The following VPS53 variants were observed in gnomAD, a reference collection of about 807,000 sequenced individuals.
The protein encoded by VPS53 is vacuolar protein sorting-associated protein 53 homolog.
In VPS53, 70 loss-of-function variants were observed where a neutral mutation model predicts 107.0. The ratio of observed to expected loss-of-function variants is 0.65; its 90% confidence interval spans 0.54 to 0.80. VPS53 has a LOEUF of 0.80. Ranked by LOEUF, VPS53 falls within the 30% of genes least tolerant of loss-of-function variation. The pLI, the probability that VPS53 is intolerant of heterozygous loss-of-function variation, is 0.00. For missense variants in VPS53, 917 were observed against 1,049.4 expected, an observed-to-expected ratio of 0.87 and a Z score of 1.74; for synonymous variants, 409 against 393.3, an observed-to-expected ratio of 1.04 and a Z score of -0.47.
intron 13 of VPS53, among the ~76,000 whole-genome samples, chr17:579,854 C>A (rs1467776206): frequency 6.6e-6 from 1 of 151,268 alleles, no homozygotes; most frequent in Non-Finnish European, 1.5e-5. Context: ...TAATTCCTTG[C>A]CAGAGAACCT....
At chr17:699,902 T>G (rs1301891245) in intron 2 of VPS53, among the ~76,000 whole-genome samples, 2 of 152,212 alleles carry the variant, frequency 1.3e-5, no homozygotes, top group African/African-American at 4.8e-5. Context: ...AATTCTCCTG[T>G]TAGAAGCTAG....
At chr17:608,161 A>G (rs1968670752) in intron 11 of VPS53, among the ~76,000 whole-genome samples, 1 of 152,184 alleles carries the variant, frequency 6.6e-6, no homozygotes, top group Admixed American at 6.5e-5. Context: ...CCAGGGGTTC[A>G]CACACTTGGT....
chr17:572,441 G>A (rs1326136742), intron 13 of VPS53, among the ~76,000 whole-genome samples: 10 of 144,648 alleles, frequency 6.9e-5, no homozygotes, highest in East Asian at 2.2e-4. Flanking sequence ...CCGGCCAGCC[G>A]CCCCATCCGG....
chr17:659,874 G>A (rs74887123), intron 5 of VPS53, among the ~76,000 whole-genome samples: 5 of 152,108 alleles, frequency 3.3e-5, no homozygotes, highest in African/African-American at 9.6e-5. Context: ...AGGATCTCCC[G>A]TCACTCCCCA....
intron 15 of VPS53, among the ~76,000 whole-genome samples, chr17:558,565 G>A (rs1031142133): frequency 2.6e-5 from 4 of 152,194 alleles, no homozygotes; most frequent in African/African-American, 9.6e-5. Context: ...ACCCGGCAGG[G>A]GGAGCTTGCA....
intron 7 of VPS53, among the ~76,000 whole-genome samples, chr17:650,914 T>C (rs1011501669): frequency 6.6e-6 from 1 of 152,182 alleles, no homozygotes; most frequent in African/African-American, 2.4e-5. Flanking sequence ...AAAAAATATC[T>C]AAAATACATG....
At chr17:668,645 C>T (rs1034352528) in intron 4 of VPS53, among the ~76,000 whole-genome samples, 7 of 152,150 alleles carry the variant, frequency 4.6e-5, no homozygotes, top group African/African-American at 1.4e-4. Flanking sequence ...ACATGGAATT[C>T]TGTGATACTG....
intron 12 of VPS53, among the ~76,000 whole-genome samples, chr17:597,441 G>A (rs1247614544): frequency 1.3e-5 from 2 of 152,190 alleles, no homozygotes; most frequent in Non-Finnish European, 2.9e-5. Flanking sequence ...CGCAGCAGGA[G>A]GTAAGGGATG....
chr17:678,511 G>A (rs552783285), intron 4 of VPS53, among the ~76,000 whole-genome samples: 24 of 151,726 alleles, frequency 1.6e-4, no homozygotes, highest in Non-Finnish European at 3.1e-4. Flanking sequence ...CTGTCGCCTA[G>A]GCTGGAGTGC....
intron 8 of VPS53, 105 bp from the exon 9 acceptor site, chr17:628,336 C>T: frequency 2.2e-6 from 3 of 1,338,502 alleles, no homozygotes; most frequent in South Asian, 1.3e-5. Flanking sequence ...CAGTCTTACT[C>T]CTGCTCCTTC....
intron 7 of VPS53, among the ~76,000 whole-genome samples, chr17:651,151 A>C (rs1380058773): frequency 6.6e-6 from 1 of 152,178 alleles, no homozygotes; most frequent in Non-Finnish European, 1.5e-5. Context: ...CACACACACA[A>C]ATCCGGAGCG....
chr17:539,222 T>C (rs1040819437), intron 17 of VPS53: 1 of 152,242 alleles, frequency 6.6e-6, no homozygotes, highest in Admixed American at 6.5e-5. Context: ...GGTGGCGACG[T>C]GCTCTGTCAC....
At position 550,797 on chromosome 17, in the gene VPS53, TG is replaced by T. The variant is rs1436797757; in HGVS notation, c.1866+1074del. Among the ~76,000 whole-genome samples the T allele has an allele frequency of 6.0e-5, 9 of 151,128 alleles. No homozygotes were observed. The East Asian group carries it at 1.8e-3, about 30-fold the overall frequency. ...CACATAAAAGTCAAAAATAGGAAGATGAGGTAGCGCTCAGTAAGTGCCAAAG... is the reference window on the plus strand; with the variant it reads ...CACATAAAAGTCAAAAATAGGAAGATAGGTAGCGCTCAGTAAGTGCCAAAG... On this transcript the variant is annotated intron_variant, in intron 17 of 21. Coordinates refer to ENST00000437048, the MANE Select transcript of VPS53 (RefSeq NM_001128159.3).
At chr17:662,186 G>A (rs1409393005) in intron 4 of VPS53, among the ~76,000 whole-genome samples, 1 of 152,156 alleles carries the variant, frequency 6.6e-6, no homozygotes, top group Non-Finnish European at 1.5e-5. Flanking sequence ...ACAGCAAATA[G>A]GACAAGTAGA....
At chr17:702,617 G>C (rs979287321) in intron 2 of VPS53, among the ~76,000 whole-genome samples, 1 of 152,132 alleles carries the variant, frequency 6.6e-6, no homozygotes. Flanking sequence ...GGTGAGCCGA[G>C]ATCGCGCCAC....
At chr17:593,795 A>T (rs553511039) in intron 12 of VPS53, among the ~76,000 whole-genome samples, 266 of 152,286 alleles carry the variant, frequency 1.7e-3, no homozygotes, top group African/African-American at 6.1e-3. Flanking sequence ...TTGACCCAGC[A>T]ATCCCATTAC....
intron 2 of VPS53, among the ~76,000 whole-genome samples, chr17:703,009 C>A (rs1258084662): frequency 6.6e-6 from 1 of 152,160 alleles, no homozygotes; most frequent in Non-Finnish European, 1.5e-5. Context: ...AGTTCAAGAC[C>A]AGTCTCTGGG....
At chr17:546,327 T>TCACACA (rs888241748) in intron 17 of VPS53, among the ~76,000 whole-genome samples, 74 of 93,200 alleles carry the variant, frequency 7.9e-4, no homozygotes, top group South Asian at 4.7e-3. Flanking sequence ...ATCTTAGATA[T>TCACACA]CTCACACACA....
intron 11 of VPS53, among the ~76,000 whole-genome samples, chr17:612,985 C>T (rs1567675505): frequency 1.4e-5 from 2 of 147,794 alleles, no homozygotes; most frequent in East Asian, 4.1e-4. Context: ...CAAATATTCA[C>T]ATAGTGAGTT....
Sources: allele counts gnomAD v4.1 joint callset (sites outside exome capture counted in the v4.1 genomes callset), GRCh38; gene constraint gnomAD v4.1.1; transcripts MANE v1.5; gene names NCBI Gene and HGNC (gene_info 2026-07-23, HGNC 2026-07-21).